The following KLRF1 variants were observed in gnomAD, a reference collection of about 807,000 sequenced individuals.
KLRF1 encodes the protein killer cell lectin-like receptor subfamily F member 1.
Under a neutral mutation model 30.7 loss-of-function variants are expected in KLRF1, and 27 were observed. That is an observed-to-expected ratio of 0.88 (90% CI 0.65 to 1.21). KLRF1 has a LOEUF of 1.21. Among genes scored for constraint, KLRF1 ranks in the 50% most tolerant of loss-of-function variants. KLRF1 has a pLI of 0.00. For missense variants in KLRF1, 246 were observed against 259.3 expected (o/e 0.95, Z 0.35); for synonymous variants, 92 against 89.3 (o/e 1.03, Z -0.17).
chr12:9,804,785 C>T, the KLRF1 span, among the ~76,000 whole-genome samples: 6 of 151,888 alleles, frequency 4.0e-5, no homozygotes, highest in Non-Finnish European at 8.8e-5. Flanking sequence ...TGTAGATGTT[C>T]TGTATCAGAT....
the KLRF1 span, among the ~76,000 whole-genome samples, chr12:9,809,882 G>A: frequency 5.3e-5 from 8 of 151,782 alleles, no homozygotes; most frequent in Admixed American, 2.6e-4. Flanking sequence ...TGTGCCTATG[G>A]ATTAATGTAT....
At position 9,833,436 on chromosome 12, in the gene KLRF1, A is replaced by T; in HGVS notation, c.318A>T (p.Arg106Ser). Residue 106 changes from arginine (R) to serine (S), a missense_variant, in exon 3 of 6, where the codon AGA (arginine) becomes AGT (serine). Transcript: ENST00000617889. ...GTAATAAGGACCTTTGTGCTTCGAG[A>T]TCTGCAGACCAGACAGGTATGTCTC... ...NISNKDLCASRSADQTVLCQS... is the reference protein window; with the variant it reads ...NISNKDLCASSSADQTVLCQS... The T allele has an allele frequency of 6.2e-7, 1 of 1,608,346 alleles. No homozygotes were observed. The highest frequency in any genetic ancestry group is 8.5e-7 in the Non-Finnish European group (1 of 1,177,532).
chr12:9,823,635 AATC>A (rs1378585073), upstream of KLRF1, among the ~76,000 whole-genome samples: 3 of 152,134 alleles, frequency 2.0e-5, no homozygotes, highest in East Asian at 5.8e-4. Flanking sequence ...ATATAACCAA[AATC>A]AGAGCTGAAC....
rs748945112 is a variant in KLRF1 at position 9,829,468 on chromosome 12, A to C, written c.85+1839A>C. The stretch of plus-strand genomic sequence containing the variant: ...TATTTTCAGTCAAACTTATATAATG[A>C]GGGGCCAAGTGTGGTGGCTCATGCC... On this transcript the variant is annotated intron_variant, in intron 1 of 5. Transcript: ENST00000617889. Among the ~76,000 whole-genome samples the C allele has an allele frequency of 2.6e-5, 4 of 152,260 alleles. No individual in the cohort carries two copies. In the South Asian group the frequency reaches 8.3e-4, roughly 32 times the overall value.
chr12:9,837,399 T>C (rs747445109), intron 3 of KLRF1, among the ~76,000 whole-genome samples: 1 of 151,898 alleles, frequency 6.6e-6, no homozygotes, highest in East Asian at 1.9e-4. Context: ...TATCTATAAA[T>C]ATTTATAGTT....
chr12:9,807,980 T>C, the KLRF1 span, among the ~76,000 whole-genome samples: 1 of 152,146 alleles, frequency 6.6e-6, no homozygotes, highest in Non-Finnish European at 1.5e-5. Context: ...ACATTTCAAC[T>C]TACAGTACCA....
chr12:9,821,590 G>A, the KLRF1 span, among the ~76,000 whole-genome samples: 1 of 151,970 alleles, frequency 6.6e-6, no homozygotes, highest in Non-Finnish European at 1.5e-5. Flanking sequence ...AGAGCCCCTA[G>A]GAGGTAAATA....
chr12:9,803,878 C>T, the KLRF1 span, among the ~76,000 whole-genome samples: 5 of 152,012 alleles, frequency 3.3e-5, no homozygotes, highest in Non-Finnish European at 5.9e-5. Context: ...AATGTCAGTC[C>T]AAATTTGTTC....
In KLRF1 at chr12:9,841,885, T is replaced by G. The variant is rs1867710662; in HGVS notation, c.408T>G (p.Ser136Arg). 2 of 1,611,074 alleles carry G rather than the reference T, an allele frequency of 1.2e-6. No homozygotes were observed. The highest frequency in any genetic ancestry group is 1.3e-5 in the African/African-American group (1 of 74,734). The change falls in exon 4 of 6, where the codon AGT becomes AGG. Residue 136 changes from serine to arginine, a missense_variant. Transcript: ENST00000617889. ...TCTCTAATGAGATGAAAAGCTGGAG[T>G]GACAGTTATGTGTATTGTTTGGAAA... is the stretch of plus-strand genomic sequence containing the variant. ...YWFSNEMKSW[S>R]DSYVYCLERK...
At chr12:9,843,396 G>A (rs995030466) in intron 5 of KLRF1, among the ~76,000 whole-genome samples, 2 of 152,090 alleles carry the variant, frequency 1.3e-5, no homozygotes, top group South Asian at 4.2e-4. Context: ...TCATAGTAGT[G>A]ATAGAAAAAT....
intron 3 of KLRF1, among the ~76,000 whole-genome samples, chr12:9,840,949 G>T (rs1307401290): frequency 6.6e-5 from 10 of 152,088 alleles, no homozygotes. Flanking sequence ...CCATTACTGG[G>T]TATATACCCA....
chr12:9,805,785 A>G, the KLRF1 span, among the ~76,000 whole-genome samples: 1 of 152,018 alleles, frequency 6.6e-6, no homozygotes, highest in African/African-American at 2.4e-5. Flanking sequence ...TCATTTAAGT[A>G]ATCTAATTTG....
At chr12:9,824,678 C>T (rs983068374), upstream of KLRF1, among the ~76,000 whole-genome samples, 1 of 152,124 alleles carries the variant, frequency 6.6e-6, no homozygotes, top group Non-Finnish European at 1.5e-5. Context: ...TAAAACTATT[C>T]CTGTTTTCAG....
the KLRF1 span, among the ~76,000 whole-genome samples, chr12:9,820,349 A>G: frequency 6.6e-6 from 1 of 152,210 alleles, no homozygotes. Context: ...TTACATGACC[A>G]GACTGTTACC....
At chr12:9,802,072 A>G in the KLRF1 span, among the ~76,000 whole-genome samples, 2 of 152,012 alleles carry the variant, frequency 1.3e-5, no homozygotes, top group Non-Finnish European at 1.5e-5. Context: ...GATGAACATC[A>G]ATGCAAAAAT....
the KLRF1 span, among the ~76,000 whole-genome samples, chr12:9,800,561 GTAA>G: frequency 6.6e-6 from 1 of 151,902 alleles, no homozygotes; most frequent in African/African-American, 2.4e-5. Context: ...AGAACATATA[GTAA>G]TTGGTTTTTC....
intron 3 of KLRF1, among the ~76,000 whole-genome samples, chr12:9,839,639 A>G (rs1177251609): frequency 6.6e-6 from 1 of 152,064 alleles, no homozygotes; most frequent in Admixed American, 6.6e-5. Context: ...ATGATCATTC[A>G]TTAGGGAAAT....
Position 9,833,901 on chromosome 12 carries a change from C to CTTTTTTTTTTTTTTTTTTT in KLRF1, c.334+456_334+474dup, listed in dbSNP as rs35443913. 6.1e-5 allele frequency among the ~76,000 whole-genome samples: 5 copies of CTTTTTTTTTTTTTTTTTTT among 82,406 alleles called. 1 individual carries two copies. Among genetic ancestry groups the CTTTTTTTTTTTTTTTTTTT allele is most frequent in the African/African-American group, 1.7e-4 (3 of 18,044 alleles). 54.1% of individuals were successfully genotyped at this position (82,406 alleles called of 152,430 possible). Reference sequence around the variant, plus strand: ...TTACCTTCTATTTTTAAATGTTTAACTTTTTTTTTTTTTTTTTTTTTTTTT... The same window carrying CTTTTTTTTTTTTTTTTTTT: ...TTACCTTCTATTTTTAAATGTTTAACTTTTTTTTTTTTTTTTTTTTTTTTTTTTTTTTTTTTTTTTTTTT... On this transcript the variant is annotated intron_variant, in intron 3 of 5. Coordinates refer to ENST00000617889, the MANE Select transcript of KLRF1 (RefSeq NM_016523.3).
the KLRF1 span, chr12:9,817,339 G>T: frequency 3.9e-6 from 1 of 258,896 alleles, no homozygotes; most frequent in Non-Finnish European, 8.1e-6. Context: ...GCCTTGCTTT[G>T]TAATTCCTGC....
Sources: gnomAD v4.1 joint callset for allele counts (sites outside exome capture counted in the v4.1 genomes callset) on GRCh38, gnomAD v4.1.1 for gene constraint, MANE v1.5 for transcripts, NCBI Gene and HGNC (gene_info 2026-07-23, HGNC 2026-07-21) for gene names.